SFSWAP: variants seen among roughly 807,000 people sequenced by gnomAD.
The protein encoded by SFSWAP is splicing factor SWAP.
SFSWAP carries 17 observed loss-of-function variants against 100.7 expected under a neutral mutation model. That is an observed-to-expected ratio of 0.17 (90% CI 0.12 to 0.25). The LOEUF is 0.25. SFSWAP is among the 10% of genes least tolerant of loss of function. The pLI is 1.00. For missense variants in SFSWAP, 1,005 were observed against 1,262.6 expected (o/e 0.80, Z 3.09); for synonymous variants, 504 against 510.1 (o/e 0.99, Z 0.16).
At chr12:131,787,285 A>G (rs1884961564) in intron 15 of SFSWAP, among the ~76,000 whole-genome samples, 1 of 146,394 alleles carries the variant, frequency 6.8e-6, no homozygotes, top group South Asian at 2.2e-4. Flanking sequence ...AAATAGGTCC[A>G]CCATCTGTCC....
chr12:131,728,171 G>T, intron 6 of SFSWAP, 122 bp from the exon 7 acceptor site: 1 of 1,094,098 alleles, frequency 9.1e-7, no homozygotes, highest in Non-Finnish European at 1.4e-6. Flanking sequence ...CCATGGGTGC[G>T]TGCATGTGTG....
At chr12:131,761,445 G>A (rs929342366) in intron 11 of SFSWAP, among the ~76,000 whole-genome samples, 8 of 152,190 alleles carry the variant, frequency 5.3e-5, no homozygotes, top group African/African-American at 1.9e-4. Flanking sequence ...TGAGTGGTGT[G>A]CAGGAAAGAG....
At chr12:131,781,328 C>T (rs1884489679) in intron 14 of SFSWAP, among the ~76,000 whole-genome samples, 1 of 150,614 alleles carries the variant, frequency 6.6e-6, no homozygotes, top group African/African-American at 2.4e-5. Context: ...AGCTCTGCCT[C>T]CCGGGTTCAC....
chr12:131,711,539 T>G lies in SFSWAP; in HGVS notation c.218+92T>G. 9.1e-7 allele frequency: 1 copy of G among 1,102,576 alleles called. No individual in the cohort carries two copies. The highest frequency in any genetic ancestry group is 2.5e-5 in the East Asian group (1 of 40,552). The allele number at this position is 1,102,576 out of a possible 1,614,324, so 68.3% of individuals were successfully genotyped here. On this transcript the variant is annotated intron_variant, in intron 1 of 17. Transcript: ENST00000261674. This position sits in a 1 kb window ranked among gnomAD's most constrained non-coding sequence, Gnocchi z 4.9. Reference sequence around the variant, plus strand: ...CTTGACTGCAAGGACTGCAGAGAGTTTTCTGGAGCCAGCGGGGATCTGGGG... The same window carrying G: ...CTTGACTGCAAGGACTGCAGAGAGTGTTCTGGAGCCAGCGGGGATCTGGGG...
chr12:131,795,134 A>G (rs1298992283), intron 15 of SFSWAP, among the ~76,000 whole-genome samples: 1 of 152,240 alleles, frequency 6.6e-6, no homozygotes, highest in Non-Finnish European at 1.5e-5. Context: ...AGTAAACAAC[A>G]TGTTGTCCTC....
At chr12:131,760,478 T>G (rs1279004471) in intron 11 of SFSWAP, among the ~76,000 whole-genome samples, 3 of 152,116 alleles carry the variant, frequency 2.0e-5, no homozygotes, top group Non-Finnish European at 4.4e-5. Context: ...ATTGATAAAG[T>G]TTAAAAAAAG....
At chr12:131,738,885 C>T (rs201316877) in intron 7 of SFSWAP, among the ~76,000 whole-genome samples, 580 of 48,674 alleles carry the variant, frequency 0.012, 1 homozygote, top group Non-Finnish European at 0.017. Flanking sequence ...GAACATTATT[C>T]TTTTTTTTTT....
Position 131,755,375 on chromosome 12 carries a change from T to G in SFSWAP, c.1455-11T>G. On this transcript the variant is annotated splice_polypyrimidine_tract_variant and intron_variant, in intron 9 of 17. Coordinates refer to ENST00000261674, the MANE Select transcript of SFSWAP (RefSeq NM_004592.4). ...TGGTAAATGACCCATTTTCTTTCTT[T>G]TTCTGCTCAGATTTGAGTTCCTGCA... is the stretch of plus-strand genomic sequence containing the variant. 1.9e-6 allele frequency: 3 copies of G among 1,608,506 alleles called. No individual in the cohort carries two copies. Among genetic ancestry groups the G allele is most frequent in the Non-Finnish European group, 2.6e-6 (3 of 1,175,266 alleles).
intron 13 of SFSWAP, among the ~76,000 whole-genome samples, chr12:131,774,219 G>A (rs191971229): frequency 1.3e-5 from 2 of 152,318 alleles, no homozygotes; most frequent in African/African-American, 4.8e-5. Context: ...GGGATGGAGA[G>A]CAACGCCGCA....
At chr12:131,721,154 C>T (rs1313618024) in intron 4 of SFSWAP, among the ~76,000 whole-genome samples, 1 of 152,108 alleles carries the variant, frequency 6.6e-6, no homozygotes, top group Non-Finnish European at 1.5e-5. Flanking sequence ...GGAGCAGCAC[C>T]GAGGAGATGG....
chr12:131,726,506 G>A (rs879260823), intron 5 of SFSWAP, among the ~76,000 whole-genome samples: 4 of 152,188 alleles, frequency 2.6e-5, no homozygotes, highest in African/African-American at 2.4e-5. Context: ...CACTGTGCCC[G>A]GCCCTTCCAC....
chr12:131,786,418 G>A lies in SFSWAP; in HGVS notation c.2409-45G>A, dbSNP rs767835735. ...GGCAGTAGGAAGCATGACACGTCCC[G>A]CCAGCCAGGCCACAGAGCTGAACAC... On this transcript the variant is annotated intron_variant, in intron 14 of 17. Coordinates refer to ENST00000261674, the MANE Select transcript of SFSWAP (RefSeq NM_004592.4). 2.6e-5 allele frequency: 41 copies of A among 1,550,364 alleles called. No homozygotes were observed. In the Admixed American group the frequency reaches 3.0e-4, roughly 11 times the overall value.
Position 131,733,697 on chromosome 12 carries a change from C to A in SFSWAP, c.1081+5269C>A, listed in dbSNP as rs545180395. ...AAGGAAACAGCAGTCCATACAGTCC[C>A]CTCAGGACAGGCACAGAGGACTCCA... On this transcript the variant is annotated intron_variant, in intron 7 of 17. Coordinates refer to ENST00000261674, the MANE Select transcript of SFSWAP (RefSeq NM_004592.4). This position sits in a 1 kb window ranked among gnomAD's most constrained non-coding sequence, Gnocchi z 5.1. 2.6e-4 allele frequency among the ~76,000 whole-genome samples: 39 copies of A among 152,172 alleles called. 1 individual carries two copies. The South Asian group carries it at 7.7e-3, about 30-fold the overall frequency.
intron 4 of SFSWAP, among the ~76,000 whole-genome samples, chr12:131,722,663 A>G (rs1312831528): frequency 6.6e-6 from 1 of 152,070 alleles, no homozygotes; most frequent in East Asian, 1.9e-4. Context: ...AAATAATTTT[A>G]CAGGCCAGGT....
chr12:131,753,349 A>G lies in SFSWAP; in HGVS notation c.1308A>G (p.Thr436=). The change falls in exon 8 of 18, where the codon ACA becomes ACG. Residue 436 remains threonine, a synonymous_variant. Transcript: ENST00000261674. ...AGACTAGCAGCGGGGCCACCTCCAC[A>G]ACCACCACCACAAGGTAGGTGCAGC... The part of the protein sequence containing the change: ...TAETSSGATS[T]TTTTSALAPV... 6.2e-7 allele frequency: 1 copy of G among 1,613,194 alleles called. No homozygotes were observed. Among genetic ancestry groups the G allele is most frequent in the South Asian group, 1.1e-5 (1 of 91,052 alleles).
chr12:131,752,658 G>GGGAGCATGGA (rs1343514908), intron 7 of SFSWAP, among the ~76,000 whole-genome samples: 2 of 152,226 alleles, frequency 1.3e-5, no homozygotes, highest in Admixed American at 1.3e-4. Flanking sequence ...TGTGAATGGA[G>GGGAGCATGGA]GGAGCAGCGT....
chr12:131,728,560 C>A, intron 7 of SFSWAP, 132 bp downstream of exon 7: 1 of 984,112 alleles, frequency 1.0e-6, no homozygotes, highest in Non-Finnish European at 1.5e-6. Context: ...AGAGCCTGCA[C>A]ATGGTCCCAA....
At position 131,733,468 on chromosome 12, in the gene SFSWAP, G is replaced by A. The variant is rs956466988; in HGVS notation, c.1081+5040G>A. Among the ~76,000 whole-genome samples, 14 of 152,088 alleles carry A rather than the reference G, an allele frequency of 9.2e-5. No individual in the cohort carries two copies. The highest frequency in any genetic ancestry group is 1.9e-4 in the East Asian group (1 of 5,158). ...GCATGCATCCTGAGAGCCAGGCAGC[G>A]ACGCTGCCTGCACTGCCCCACCGCT... On this transcript the variant is annotated intron_variant, in intron 7 of 17. Transcript: ENST00000261674. This position sits in a 1 kb window ranked among gnomAD's most constrained non-coding sequence, Gnocchi z 5.1.
At chr12:131,758,752 G>T (rs1048833135) in intron 11 of SFSWAP, among the ~76,000 whole-genome samples, 1 of 152,192 alleles carries the variant, frequency 6.6e-6, no homozygotes, top group Non-Finnish European at 1.5e-5. Context: ...TTCGAGACCA[G>T]CCTGGGCAAA....
Sources: gnomAD v4.1 joint callset for allele counts (sites outside exome capture counted in the v4.1 genomes callset) on GRCh38, gnomAD v4.1.1 for gene constraint, Gnocchi (gnomAD v3.1) non-coding constraint, MANE v1.5 for transcripts, NCBI Gene and HGNC (gene_info 2026-07-23, HGNC 2026-07-21) for gene names.